Variants in KAT2A observed in about 807,000 individuals in gnomAD.
The protein encoded by KAT2A is lysine acetyltransferase 2A.
In KAT2A, 42 loss-of-function variants were observed where a neutral mutation model predicts 95.2. The ratio of observed to expected loss-of-function variants is 0.44; its 90% CI spans 0.34 to 0.57. The LOEUF (loss-of-function observed/expected upper bound fraction) is 0.57. KAT2A is among the 20% of genes least tolerant of loss of function. The pLI is 0.01. For synonymous variants in KAT2A, 449 were observed against 448.2 expected, an observed-to-expected ratio of 1.00 and a Z score of -0.02; for missense variants, 784 against 1,126.3, an observed-to-expected ratio of 0.70 and a Z score of 4.35.
At chr17:42,118,101 G>GGA (rs59670332) in intron 7 of KAT2A, 84 bp from the exon 8 acceptor site, 1 of 872,944 alleles carries the variant, frequency 1.1e-6, no homozygotes, top group Non-Finnish European at 1.8e-6. Context: ...CTGAAGCTGA[G>GGA]GAGAGAGAGA....
In KAT2A at chr17:42,119,530, G is replaced by A; in HGVS notation, c.881+7C>T. The A allele has an allele frequency of 6.3e-7, 1 of 1,588,782 alleles. No homozygotes were observed. The highest frequency in any genetic ancestry group is 8.6e-7 in the Non-Finnish European group (1 of 1,164,884). On this transcript the variant is annotated splice_region_variant and intron_variant, in intron 5 of 17. Transcript: ENST00000225916. This position sits in a 1 kb window ranked among gnomAD's most constrained non-coding sequence, Gnocchi z 5.3. ...CCTCCCCCGAAGCTGCCCCTGGCTG[G>A]GCCTACCTGGTGTAATTGACCTTGT...
chr17:42,114,409 G>A lies in KAT2A; in HGVS notation c.2135-15C>T. The A allele has an allele frequency of 6.2e-7, 1 of 1,613,988 alleles. No homozygotes were observed. ...GCCTGTCTCTCCTGCAAAGTGGGAA[G>A]TGGGAGAATGTCTCTAAGAATGCCA... On this transcript the variant is annotated splice_polypyrimidine_tract_variant and intron_variant, in intron 14 of 17. Transcript: ENST00000225916. The surrounding 1 kb of genome is among the most constrained non-coding windows in gnomAD (Gnocchi z 6.0).
rs201088859 is a variant in KAT2A, at chr17:42,113,810, G to A, written c.2353C>T (p.Arg785Cys). ...LKTMTERLRS[R>C]YYVTRKLFVA... ...AAGAGCTTCCGGGTCACGTAGTAGC[G>A]GCTTCGCAGCCGCTCAGTCATGGTC... The change falls in exon 18 of 18, where the codon CGC becomes TGC. Residue 785 changes from arginine (R) to cysteine (C), a missense_variant. By Grantham distance (180) the Arg-to-Cys change is radical. This residue lies in a region of KAT2A where 195 missense variants were observed against 247.1 expected (regional missense o/e 0.79). Coordinates refer to ENST00000225916, the MANE Select transcript of KAT2A (RefSeq NM_021078.3). 3.7e-4 allele frequency: 596 copies of A among 1,600,500 alleles called. No individual in the cohort carries two copies. Among genetic ancestry groups the A allele is most frequent in the Non-Finnish European group, 4.7e-4 (558 of 1,175,558 alleles).
rs1555667050 is a variant in KAT2A at position 42,120,368 on chromosome 17, C to G, written c.466G>C (p.Asp156His). Residue 156 changes from aspartate (D) to histidine (H), a missense_variant and splice_region_variant, in exon 3 of 18, where the codon GAC becomes CAC. Around this residue, in one of 6 missense-constraint regions of KAT2A, gnomAD observed 208 missense variants for 339.7 expected, o/e 0.61. Coordinates refer to ENST00000225916, the MANE Select transcript of KAT2A (RefSeq NM_021078.3). ...LCRSCEHPLA[D>H]HVSHLENVSE... is the part of the protein sequence containing the mutation. ...ACATTCTCCAAGTGGGATACGTGGT[C>G]AGCTGCAAGACAGATGGCAGAGTTA... 3 of 1,614,048 alleles carry G rather than the reference C, an allele frequency of 1.9e-6. No homozygotes were observed. The highest frequency in any genetic ancestry group is 1.3e-5 in the African/African-American group (1 of 74,928).
intron 17 of KAT2A, 62 bp from the exon 18 acceptor site, chr17:42,113,904 C>A (rs1224275518): frequency 1.3e-6 from 2 of 1,493,404 alleles, no homozygotes; most frequent in Non-Finnish European, 8.9e-7. Context: ...GGGCTGTCCA[C>A]CAGGGTGGGC....
Position 42,117,654 on chromosome 17 carries a change from TG to T in KAT2A, c.1428+23del. On this transcript the variant is annotated intron_variant, in intron 9 of 17. Transcript: ENST00000225916. The surrounding 1 kb of genome is among the most constrained non-coding windows in gnomAD (Gnocchi z 8.9). Reference sequence around the variant, plus strand: ...CTCAGGTTGGTGGGGGTCCCCCAACTGGTCAGCAGGTCGGGCTGCCCACCTC... The same window carrying T: ...CTCAGGTTGGTGGGGGTCCCCCAACTGTCAGCAGGTCGGGCTGCCCACCTC... 1 of 1,606,164 alleles carries T rather than the reference TG, an allele frequency of 6.2e-7. No individual in the cohort carries two copies. Among genetic ancestry groups the T allele is most frequent in the Middle Eastern group, 1.7e-4 (1 of 5,724 alleles).
chr17:42,118,525 G>A (rs1422354808), intron 6 of KAT2A, 122 bp from the exon 7 acceptor site: 7 of 688,066 alleles, frequency 1.0e-5, no homozygotes, highest in South Asian at 1.7e-5. Flanking sequence ...GGGGACCTGA[G>A]AGAGGGGACA....
rs2054282064 is a variant in KAT2A, at chr17:42,117,960, C to G, written c.1238G>C (p.Gly413Ala). Residue 413 changes from glycine (G) to alanine (A), a missense_variant, in exon 8 of 18, where the codon GGG becomes GCG. This residue lies in a region of KAT2A where 63 missense variants were observed against 70.1 expected (regional missense o/e 0.90). Transcript: ENST00000225916. The surrounding 1 kb of genome is among the most constrained non-coding windows in gnomAD (Gnocchi z 8.9). ...CAGACTCAGGGAGCTGTTGCTGCCC[C>G]CACCCATGCTGGGGCTGAAGATGGG... ...STPIFSPSMG[G>A]GSNSSLSLDS... 8 of 1,608,606 alleles carry G rather than the reference C, an allele frequency of 5.0e-6. No homozygotes were observed. Among genetic ancestry groups the G allele is most frequent in the Non-Finnish European group, 6.0e-6 (7 of 1,176,446 alleles).
Position 42,113,533 on chromosome 17 carries a change from C to G in KAT2A, c.*116G>C. The G allele has an allele frequency of 3.0e-6, 3 of 1,005,402 alleles. No individual in the cohort carries two copies. Among genetic ancestry groups the G allele is most frequent in the Non-Finnish European group, 4.4e-6 (3 of 685,340 alleles). The allele number at this position is 1,005,402 out of a possible 1,614,324, so 62.3% of individuals were successfully genotyped here. On this transcript the variant is annotated 3_prime_UTR_variant, in exon 18 of 18. Coordinates refer to ENST00000225916, the MANE Select transcript of KAT2A (RefSeq NM_021078.3). The stretch of plus-strand genomic sequence containing the variant: ...GCTGCAGGATCGGGTCCGGAGGACC[C>G]TTGGCTGGAGTGTCTCAAGCTGAGT...
At chr17:42,120,148 G>A (rs782327239) in intron 3 of KAT2A, 29 bp from the exon 4 acceptor site, 7 of 1,613,494 alleles carry the variant, frequency 4.3e-6, no homozygotes, top group Admixed American at 1.7e-5. Flanking sequence ...GGGCATAGAG[G>A]GGAGGGGGGC....
rs782633368 is a variant in KAT2A, at chr17:42,113,862, A to G, written c.2321-20T>C. 1 of 1,558,238 alleles carries G rather than the reference A, an allele frequency of 6.4e-7. No homozygotes were observed. The highest frequency in any genetic ancestry group is 8.7e-7 in the Non-Finnish European group (1 of 1,155,474). ...TCAGGTCTGGGGCAGCAGGAGACGG[A>G]GCACAGCTTTAAGAGGCTGAAGACC... On this transcript the variant is annotated intron_variant, in intron 17 of 17. Coordinates refer to ENST00000225916, the MANE Select transcript of KAT2A (RefSeq NM_021078.3).
intron 2 of KAT2A, 52 bp downstream of exon 2, chr17:42,120,654 C>A: frequency 6.2e-7 from 1 of 1,609,396 alleles, no homozygotes; most frequent in Non-Finnish European, 8.5e-7. Flanking sequence ...GTCACCCTGT[C>A]CAAGCAGGAC....
Position 42,114,553 on chromosome 17 carries a change from G to A in KAT2A, c.2071C>T (p.Pro691Ser), listed in dbSNP as rs201519281. 6.2e-7 allele frequency: 1 copy of A among 1,614,052 alleles called. No homozygotes were observed. The highest frequency in any genetic ancestry group is 8.5e-7 in the Non-Finnish European group (1 of 1,179,984). ...RKQAQIRKVYPGLSCFKEGVR... is the reference protein window; with the variant it reads ...RKQAQIRKVYSGLSCFKEGVR... ...CCCTCCTTGAAGCAGCTGAGCCCCG[G>A]GTAGACCTTGCGGATCTGGGCCTGT... Residue 691 changes from proline (P) to serine (S), a missense_variant, in exon 14 of 18, where the codon CCG (proline) becomes TCG (serine). This residue lies in a region of KAT2A where 195 missense variants were observed against 247.1 expected (regional missense o/e 0.79). Coordinates refer to ENST00000225916, the MANE Select transcript of KAT2A (RefSeq NM_021078.3). This position sits in a 1 kb window ranked among gnomAD's most constrained non-coding sequence, Gnocchi z 6.0.
chr17:42,117,663 G>T lies in KAT2A; in HGVS notation c.1428+15C>A. On this transcript the variant is annotated intron_variant, in intron 9 of 17. Transcript: ENST00000225916. This position sits in a 1 kb window ranked among gnomAD's most constrained non-coding sequence, Gnocchi z 8.9. ...GTGGGGGTCCCCCAACTGGTCAGCAGGTCGGGCTGCCCACCTCAGGCCCCA... is the reference window on the plus strand; with the variant it reads ...GTGGGGGTCCCCCAACTGGTCAGCATGTCGGGCTGCCCACCTCAGGCCCCA... 1 of 1,606,770 alleles carries T rather than the reference G, an allele frequency of 6.2e-7. No homozygotes were observed. Among genetic ancestry groups the T allele is most frequent in the Non-Finnish European group, 8.5e-7 (1 of 1,175,364 alleles).
intron 3 of KAT2A, 24 bp downstream of exon 3, chr17:42,120,201 C>T: frequency 1.2e-6 from 2 of 1,614,046 alleles, no homozygotes; most frequent in South Asian, 2.2e-5. Flanking sequence ...CCTTCACTCA[C>T]ACCCTCCTTT....
At position 42,120,270 on chromosome 17, in the gene KAT2A, C is replaced by T. The variant is rs1555667025; in HGVS notation, c.564G>A (p.Lys188=). The part of the protein sequence containing the change: ...DVENLFMSVH[K]EEDTDTKQVY... ...CCTGCTTGGTGTCTGTGTCCTCTTC[C>T]TTGTGAACAGACATGAAGAGATTCT... The change falls in exon 3 of 18, where the codon AAG becomes AAA. Residue 188 remains lysine (K), a synonymous_variant. Coordinates refer to ENST00000225916, the MANE Select transcript of KAT2A (RefSeq NM_021078.3). 6 of 1,614,026 alleles carry T rather than the reference C, an allele frequency of 3.7e-6. No individual in the cohort carries two copies.
In KAT2A at chr17:42,117,189, C is replaced by A; in HGVS notation, c.1638-28G>T. On this transcript the variant is annotated intron_variant, in intron 10 of 17. Coordinates refer to ENST00000225916, the MANE Select transcript of KAT2A (RefSeq NM_021078.3). This position sits in a 1 kb window ranked among gnomAD's most constrained non-coding sequence, Gnocchi z 8.9. ...AAGAGAGAGGGGGGCATGTCATAGC[C>A]CCTGACTGTCCCCTTCAGGTCCCCA... The A allele has an allele frequency of 6.2e-7, 1 of 1,612,768 alleles. No homozygotes were observed.
chr17:42,117,888 T>A lies in KAT2A; in HGVS notation c.1291+19A>T, dbSNP rs782338565. ...GGAAGGAGTGAATGAGGGTCAGAGGTCAGGGGTCAAGTATCCACCTGGCAT... is the reference window on the plus strand; with the variant it reads ...GGAAGGAGTGAATGAGGGTCAGAGGACAGGGGTCAAGTATCCACCTGGCAT... On this transcript the variant is annotated intron_variant, in intron 8 of 17. Transcript: ENST00000225916. The surrounding 1 kb of genome is among the most constrained non-coding windows in gnomAD (Gnocchi z 8.9). 1 of 1,599,266 alleles carries A rather than the reference T, an allele frequency of 6.3e-7. No homozygotes were observed. Among genetic ancestry groups the A allele is most frequent in the Non-Finnish European group, 8.5e-7 (1 of 1,169,648 alleles).
chr17:42,118,159 G>T, intron 7 of KAT2A, 138 bp downstream of exon 7: 1 of 785,164 alleles, frequency 1.3e-6, no homozygotes. Context: ...GAGAAGGCAG[G>T]GACTGGGGGG....
Sources: gnomAD v4.1 joint callset for allele counts on GRCh38, gnomAD v4.1.1 for gene constraint, gnomAD v4.1.1 regional missense constraint, Gnocchi (gnomAD v3.1) non-coding constraint, MANE v1.5 for transcripts, NCBI Gene and HGNC (gene_info 2026-07-23, HGNC 2026-07-21) for gene names.